Variants in PPM1G observed in about 807,000 individuals in gnomAD.
PPM1G encodes the protein protein phosphatase 1G.
In PPM1G, 12 loss-of-function variants were observed where a neutral mutation model predicts 59.4. The observed-to-expected ratio is 0.20, with a 90% CI of 0.13 to 0.33. PPM1G has a LOEUF of 0.33. Ranked by LOEUF, PPM1G falls within the 10% of genes least tolerant of loss-of-function variation. The pLI is 1.00. For synonymous variants in PPM1G, 245 were observed against 251.9 expected (o/e 0.97, Z 0.26); for missense variants, 392 against 681.3 (o/e 0.58, Z 4.73).
In PPM1G at chr2:27,408,047, C is replaced by CA. The variant is rs769897290; in HGVS notation, c.120+1255dup. ...GGGCAACAAGAGCGAAATTCTGTCT[C>CA]AAAAAAAAAAAAAGGGAGCCAAAGC... is the stretch of plus-strand genomic sequence containing the variant. On this transcript the variant is annotated intron_variant, in intron 1 of 9. Coordinates refer to ENST00000344034, the MANE Select transcript of PPM1G (RefSeq NM_177983.3). Among the ~76,000 whole-genome samples, 473 of 116,200 alleles carry CA rather than the reference C, an allele frequency of 4.1e-3. 3 individuals are homozygous for CA. Among genetic ancestry groups the CA allele is most frequent in the South Asian group, 0.022 (80 of 3,718 alleles). The allele number at this position is 116,200 out of a possible 152,430, so 76.2% of individuals were successfully genotyped here.
intron 1 of PPM1G, chr2:27,392,676 G>T (rs1358877694): frequency 2.8e-6 from 2 of 704,932 alleles, no homozygotes; most frequent in Non-Finnish European, 5.1e-6. Context: ...AACTTAAGTG[G>T]GTGTCTTGGA....
intron 1 of PPM1G, among the ~76,000 whole-genome samples, chr2:27,398,827 A>C (rs550138674): frequency 1.7e-4 from 26 of 151,914 alleles, no homozygotes; most frequent in African/African-American, 6.0e-4. Context: ...TCTCAAAAAA[A>C]AAAAGAAAAA....
intron 1 of PPM1G, among the ~76,000 whole-genome samples, chr2:27,394,577 A>C (rs1020262731): frequency 2.6e-5 from 4 of 151,760 alleles, no homozygotes. Flanking sequence ...AAAAATACAA[A>C]AAAATTAGCC....
intron 1 of PPM1G, among the ~76,000 whole-genome samples, chr2:27,390,070 A>G (rs1728926): frequency 0.47 from 71,013 of 151,204 alleles, 18,372 homozygotes; most frequent in African/African-American, 0.69. Context: ...AGGCTGGAGT[A>G]GAGTGGCGCG....
At chr2:27,395,436 T>A (rs915120636) in intron 1 of PPM1G, among the ~76,000 whole-genome samples, 5 of 150,530 alleles carry the variant, frequency 3.3e-5, no homozygotes, top group Admixed American at 3.3e-4. Flanking sequence ...GGCTGGGGCA[T>A]GAGAATCACT....
In PPM1G at chr2:27,381,218, C is replaced by A; in HGVS notation, c.*381G>T. On this transcript the variant is annotated 3_prime_UTR_variant, in exon 10 of 10. Transcript: ENST00000344034. ...GTACGATTAGGTTTTGGCCTTTAGT[C>A]TGAAAAAGTGTTGATTGAAAGTGTA... 3.3e-6 allele frequency: 1 copy of A among 305,158 alleles called. No individual in the cohort carries two copies. The allele number at this position is 305,158 out of a possible 1,614,324, so 18.9% of individuals were successfully genotyped here. A position where few individuals can be genotyped will look rare whatever the true frequency, so the allele number is the denominator to read the frequency against.
intron 1 of PPM1G, among the ~76,000 whole-genome samples, chr2:27,389,671 T>C (rs1400794119): frequency 6.6e-5 from 10 of 152,126 alleles, no homozygotes; most frequent in Non-Finnish European, 1.5e-5. Context: ...AGTCATAAAA[T>C]GTTATGAGAT....
chr2:27,386,883 G>C (rs1016580413), intron 2 of PPM1G: 1 of 449,112 alleles, frequency 2.2e-6, no homozygotes, highest in Non-Finnish European at 4.0e-6. Context: ...AGGCTCTTTG[G>C]ATTAAAACAA....
In PPM1G at chr2:27,385,402, T is replaced by C. The variant is rs1572660588; in HGVS notation, c.410-314A>G. ...GGATCCAGGAAGCCCACAATGCTAC[T>C]GTGAATTAGGATTTAGGCTTAATGA... On this transcript the variant is annotated intron_variant, in intron 4 of 9. Coordinates refer to ENST00000344034, the MANE Select transcript of PPM1G (RefSeq NM_177983.3). This position sits in a 1 kb window ranked among gnomAD's most constrained non-coding sequence, Gnocchi z 4.1. The C allele has an allele frequency of 2.4e-6, 1 of 424,270 alleles. No individual in the cohort carries two copies. Among genetic ancestry groups the C allele is most frequent in the Non-Finnish European group, 4.2e-6 (1 of 240,618 alleles). The allele number at this position is 424,270 out of a possible 1,614,324, so 26.3% of individuals were successfully genotyped here.
Position 27,385,676 on chromosome 2 carries a change from A to T in PPM1G, c.409+71T>A, listed in dbSNP as rs1261567947. ...CCCTAGAAAGCCATCCTATCTTAGAATTGATAAGTAATATTAAAGAATATT... is the reference window on the plus strand; with the variant it reads ...CCCTAGAAAGCCATCCTATCTTAGATTTGATAAGTAATATTAAAGAATATT... On this transcript the variant is annotated intron_variant, in intron 4 of 9. Transcript: ENST00000344034. The surrounding 1 kb of genome is among the most constrained non-coding windows in gnomAD (Gnocchi z 4.1). 1.9e-6 allele frequency: 3 copies of T among 1,553,914 alleles called. No individual in the cohort carries two copies. The East Asian group carries it at 6.7e-5, about 35-fold the overall frequency.
chr2:27,409,576 A>C lies in PPM1G; in HGVS notation c.-154T>G. ...GCGCGAGGCCGGCCAGGAGGCGGTAACGGGACGGGAGCTGTGAGGGAGCGG... is the reference window on the plus strand; with the variant it reads ...GCGCGAGGCCGGCCAGGAGGCGGTACCGGGACGGGAGCTGTGAGGGAGCGG... On this transcript the variant is annotated 5_prime_UTR_variant, in exon 1 of 10. Coordinates refer to ENST00000344034, the MANE Select transcript of PPM1G (RefSeq NM_177983.3). The C allele has an allele frequency of 1.0e-6, 1 of 988,608 alleles. No homozygotes were observed. Among genetic ancestry groups the C allele is most frequent in the Non-Finnish European group, 1.3e-6 (1 of 744,814 alleles). 61.2% of individuals were successfully genotyped at this position (988,608 alleles called of 1,614,324 possible). A position where few individuals can be genotyped will look rare whatever the true frequency, so the allele number is the denominator to read the frequency against.
intron 1 of PPM1G, among the ~76,000 whole-genome samples, chr2:27,402,813 T>TAAAG (rs988191411): frequency 6.6e-5 from 3 of 45,398 alleles, no homozygotes; most frequent in Non-Finnish European, 8.5e-5. Context: ...TCTCAATAAA[T>TAAAG]AAATAAATAA....
chr2:27,409,395 T>C lies in PPM1G; in HGVS notation c.28A>G (p.Thr10Ala). Residue 10 changes from threonine to alanine, a missense_variant, in exon 1 of 10, where the codon ACG (threonine) becomes GCG (alanine). Physicochemically the swap from Thr to Ala is moderately conservative, Grantham distance 58. Around this residue, in one of 6 missense-constraint regions of PPM1G, gnomAD observed 68 missense variants for 145.9 expected, o/e 0.47. Coordinates refer to ENST00000344034, the MANE Select transcript of PPM1G (RefSeq NM_177983.3). ...ACCCCGTCCCCGGAGCACTTCACCGTGTTGGGCTGGGAGAGGTAGGCACCC... is the reference window on the plus strand; with the variant it reads ...ACCCCGTCCCCGGAGCACTTCACCGCGTTGGGCTGGGAGAGGTAGGCACCC... Reference protein sequence around the residue: MGAYLSQPNTVKCSGDGVGA... With the variant: MGAYLSQPNAVKCSGDGVGA... 6.5e-7 allele frequency: 1 copy of C among 1,537,454 alleles called. No individual in the cohort carries two copies. The highest frequency in any genetic ancestry group is 8.8e-7 in the Non-Finnish European group (1 of 1,141,570).
chr2:27,403,365 G>T (rs2148427748), intron 1 of PPM1G, among the ~76,000 whole-genome samples: 1 of 151,718 alleles, frequency 6.6e-6, no homozygotes, highest in South Asian at 2.1e-4. Flanking sequence ...CAAATTGCTA[G>T]AACCCAGGAG....
At position 27,385,994 on chromosome 2, in the gene PPM1G, C is replaced by T. The variant is rs1453484361; in HGVS notation, c.277-115G>A. The T allele has an allele frequency of 2.9e-6, 4 of 1,393,132 alleles. No individual in the cohort carries two copies. Among genetic ancestry groups the T allele is most frequent in the African/African-American group, 2.9e-5 (2 of 68,956 alleles). The allele number at this position is 1,393,132 out of a possible 1,614,324, so 86.3% of individuals were successfully genotyped here. Reference sequence around the variant, plus strand: ...GTGAGCCACCACACTAAGAGACACTCACAGATAAAAACAGCTCAGAGGCCT... The same window carrying T: ...GTGAGCCACCACACTAAGAGACACTTACAGATAAAAACAGCTCAGAGGCCT... On this transcript the variant is annotated intron_variant, in intron 3 of 9. Coordinates refer to ENST00000344034, the MANE Select transcript of PPM1G (RefSeq NM_177983.3). This position sits in a 1 kb window ranked among gnomAD's most constrained non-coding sequence, Gnocchi z 4.1.
chr2:27,408,458 CT>C (rs754093871), intron 1 of PPM1G, among the ~76,000 whole-genome samples: 2 of 152,180 alleles, frequency 1.3e-5, no homozygotes. Context: ...AATACTACTA[CT>C]TTCCCCCCAA....
rs2148417070 is a variant in PPM1G at position 27,382,377 on chromosome 2, C to T, written c.1331+99G>A. The T allele has an allele frequency of 6.4e-7, 1 of 1,574,554 alleles. No homozygotes were observed. Among genetic ancestry groups the T allele is most frequent in the South Asian group, 1.2e-5 (1 of 86,528 alleles). ...TGGGTGCTCTTCACCCACCAAGAGGCCTAGGTCTGCCTAGGCTCTAATCCT... is the reference window on the plus strand; with the variant it reads ...TGGGTGCTCTTCACCCACCAAGAGGTCTAGGTCTGCCTAGGCTCTAATCCT... On this transcript the variant is annotated intron_variant, in intron 8 of 9. Coordinates refer to ENST00000344034, the MANE Select transcript of PPM1G (RefSeq NM_177983.3). The surrounding 1 kb of genome is among the most constrained non-coding windows in gnomAD (Gnocchi z 4.2).
At chr2:27,398,962 T>G (rs1684118349) in intron 1 of PPM1G, among the ~76,000 whole-genome samples, 1 of 151,594 alleles carries the variant, frequency 6.6e-6, no homozygotes, top group South Asian at 2.1e-4. Flanking sequence ...CTGGCCAACA[T>G]GGTGAAACCC....
At position 27,384,949 on chromosome 2, in the gene PPM1G, G is replaced by A. The variant is rs766012472; in HGVS notation, c.549C>T (p.Ser183=). 1.9e-6 allele frequency: 3 copies of A among 1,614,174 alleles called. No homozygotes were observed. The South Asian group carries it at 3.3e-5, about 18-fold the overall frequency. ...GTCCTGCCTCCCCATTGAGGCCCTG[G>A]GACCCTGGTTCCTCGCCTGTCCCAC... ...SGGGTGEEPG[S]QGLNGEAGPE... is the part of the protein sequence containing the mutation. The change falls in exon 5 of 10, where the codon TCC becomes TCT. Residue 183 remains serine, a synonymous_variant. Transcript: ENST00000344034. The surrounding 1 kb of genome is among the most constrained non-coding windows in gnomAD (Gnocchi z 4.8).
Sources: allele counts gnomAD v4.1 joint callset (sites outside exome capture counted in the v4.1 genomes callset), GRCh38; gene constraint gnomAD v4.1.1; regional missense constraint gnomAD v4.1.1; non-coding constraint Gnocchi (gnomAD v3.1); transcripts MANE v1.5; gene names NCBI Gene and HGNC (gene_info 2026-07-23, HGNC 2026-07-21).